GPR158: variants seen among roughly 807,000 people sequenced by gnomAD.
GPR158 encodes the protein metabotropic glycine receptor.
Under a neutral mutation model 78.2 loss-of-function variants are expected in GPR158, and 30 were observed. The observed-to-expected ratio is 0.38, with a 90% CI of 0.29 to 0.52. The LOEUF (loss-of-function observed/expected upper bound fraction) is 0.52, where lower values mean the gene tolerates loss of function less well. Among genes scored for constraint, GPR158 ranks in the 20% least tolerant of loss-of-function variants. GPR158 has a pLI of 0.83. For missense variants in GPR158, 1,463 were observed against 1,523.5 expected (o/e 0.96, Z 0.66); for synonymous variants, 581 against 591.1 (o/e 0.98, Z 0.25).
intron 1 of GPR158, among the ~76,000 whole-genome samples, chr10:25,179,121 A>G (rs1487215986): frequency 6.6e-6 from 1 of 152,236 alleles, no homozygotes; most frequent in African/African-American, 2.4e-5. Context: ...CTTTCTGTAT[A>G]TCTTCATACT....
chr10:25,445,784 A>T (rs1835132573), intron 4 of GPR158, among the ~76,000 whole-genome samples: 2 of 152,162 alleles, frequency 1.3e-5, no homozygotes, highest in South Asian at 4.1e-4. Flanking sequence ...AGACACAGAC[A>T]GACAGACTAG....
At chr10:25,193,668 C>G (rs1852805539) in intron 1 of GPR158, among the ~76,000 whole-genome samples, 1 of 152,108 alleles carries the variant, frequency 6.6e-6, no homozygotes, top group Non-Finnish European at 1.5e-5. Context: ...ATCTTTTCCC[C>G]CTTTGGGTGT....
chr10:25,429,379 A>G (rs1049959868), intron 4 of GPR158, among the ~76,000 whole-genome samples: 2 of 152,036 alleles, frequency 1.3e-5, no homozygotes, highest in African/African-American at 4.8e-5. Flanking sequence ...CACAACACAT[A>G]CCTCCATGTA....
intron 9 of GPR158, among the ~76,000 whole-genome samples, chr10:25,596,428 C>CTGCT (rs1460964549): frequency 1.3e-5 from 2 of 152,046 alleles, no homozygotes; most frequent in Non-Finnish European, 2.9e-5. Context: ...CTGTGAATAG[C>CTGCT]TGCTGCTCTC....
At chr10:25,544,837 T>C (rs1353280760) in intron 5 of GPR158, among the ~76,000 whole-genome samples, 1 of 152,200 alleles carries the variant, frequency 6.6e-6, no homozygotes, top group Non-Finnish European at 1.5e-5. Flanking sequence ...TATGTATTTC[T>C]CCTAATGCTA....
At chr10:25,296,252 G>T (rs975874481) in intron 2 of GPR158, among the ~76,000 whole-genome samples, 20 of 151,938 alleles carry the variant, frequency 1.3e-4, no homozygotes, top group Admixed American at 3.3e-4. Context: ...CAGTCTCCTG[G>T]GTGAGGCAAC....
At chr10:25,191,593 T>G (rs7086304) in intron 1 of GPR158, among the ~76,000 whole-genome samples, 10,491 of 152,220 alleles carry the variant, frequency 0.069, 598 homozygotes, top group East Asian at 0.28. Flanking sequence ...TTGATAAAAT[T>G]GAAACACATA....
At chr10:25,461,469 C>G (rs1166149899) in intron 4 of GPR158, among the ~76,000 whole-genome samples, 1 of 152,178 alleles carries the variant, frequency 6.6e-6, no homozygotes. Context: ...TAACTCTCTT[C>G]AATTCTGTGA....
intron 2 of GPR158, among the ~76,000 whole-genome samples, chr10:25,242,007 AAATG>A (rs1853634853): frequency 6.6e-6 from 1 of 152,246 alleles, no homozygotes; most frequent in Non-Finnish European, 1.5e-5. Context: ...CTAAGTGAGT[AAATG>A]AATGGCTTAA....
intron 2 of GPR158, among the ~76,000 whole-genome samples, chr10:25,353,289 T>G (rs1855500082): frequency 6.6e-6 from 1 of 152,046 alleles, no homozygotes; most frequent in Non-Finnish European, 1.5e-5. Flanking sequence ...CAATGATTAA[T>G]TATTTCCTAC....
chr10:25,576,879 T>G lies in GPR158; in HGVS notation c.1753+3992T>G, dbSNP rs550286250. On this transcript the variant is annotated intron_variant, in intron 7 of 10. Transcript: ENST00000376351. ...GAGGAAGTTAAATTTTTGATGGTGT[T>G]TTTGTCATCTCACAGTCATTGCTTT... Among the ~76,000 whole-genome samples the G allele has an allele frequency of 1.3e-4, 20 of 152,128 alleles. No homozygotes were observed. The South Asian group carries it at 3.9e-3, about 30-fold the overall frequency.
At chr10:25,390,042 C>G (rs938253700) in intron 2 of GPR158, among the ~76,000 whole-genome samples, 29 of 152,288 alleles carry the variant, frequency 1.9e-4, no homozygotes, top group Admixed American at 1.4e-3. Context: ...TTCGCATGCT[C>G]TCTTGTCTGC....
Position 25,598,019 on chromosome 10 carries a change from A to G in GPR158, c.2393A>G (p.Asn798Ser). 3 of 1,614,126 alleles carry G rather than the reference A, an allele frequency of 1.9e-6. No homozygotes were observed. The highest frequency in any genetic ancestry group is 2.5e-6 in the Non-Finnish European group (3 of 1,180,026). The change falls in exon 11 of 11, where the codon AAC (asparagine) becomes AGC (serine). Residue 798 changes from asparagine to serine, a missense_variant. Transcript: ENST00000376351. ...IRKNPPESSG[N>S]TGKSKEETLK... ...AAGAACCCCCCAGAGTCTTCAGGGA[A>G]CACAGGGAAATCCAAGGAGGAGACC... is the stretch of plus-strand genomic sequence containing the variant.
chr10:25,301,831 GA>G (rs1045818003), intron 2 of GPR158, among the ~76,000 whole-genome samples: 1 of 151,716 alleles, frequency 6.6e-6, no homozygotes, highest in Non-Finnish European at 1.5e-5. Flanking sequence ...TTGCCAATAA[GA>G]TGTGTGGGGT....
At chr10:25,399,081 G>C (rs1242330874) in intron 3 of GPR158, among the ~76,000 whole-genome samples, 1 of 152,188 alleles carries the variant, frequency 6.6e-6, no homozygotes, top group Non-Finnish European at 1.5e-5. Flanking sequence ...CACATGGCTA[G>C]AGAGGCTTCA....
chr10:25,493,542 G>A (rs915407208), intron 5 of GPR158, among the ~76,000 whole-genome samples: 2 of 152,134 alleles, frequency 1.3e-5, no homozygotes, highest in African/African-American at 4.8e-5. Flanking sequence ...AGAGCATCTG[G>A]AGACAGGTAC....
At position 25,220,981 on chromosome 10, in the gene GPR158, T is replaced by G. The variant is rs145060448; in HGVS notation, c.903-71T>G. 5 of 934,200 alleles carry G rather than the reference T, an allele frequency of 5.4e-6. No homozygotes were observed. In the East Asian group the frequency reaches 1.2e-4, roughly 23 times the overall value. 57.9% of individuals were successfully genotyped at this position (934,200 alleles called of 1,614,324 possible). On this transcript the variant is annotated intron_variant, in intron 1 of 10. Transcript: ENST00000376351. ...TGTTCTTTATGATAATTTTCTAATT[T>G]CAAGCTTAAAATACAGAGAAATCAT... is the stretch of plus-strand genomic sequence containing the variant.
chr10:25,200,905 G>C (rs562814686), intron 1 of GPR158, among the ~76,000 whole-genome samples: 23 of 112,018 alleles, frequency 2.1e-4, no homozygotes, highest in African/African-American at 7.1e-4. Flanking sequence ...ATGCTGTTTT[G>C]GTTACTGTAG....
At chr10:25,300,140 C>G (rs1388616612) in intron 2 of GPR158, among the ~76,000 whole-genome samples, 1 of 152,198 alleles carries the variant, frequency 6.6e-6, no homozygotes, top group Non-Finnish European at 1.5e-5. Flanking sequence ...TCTTACACTT[C>G]TGTAGATTAC....
Sources: allele counts gnomAD v4.1 joint callset (sites outside exome capture counted in the v4.1 genomes callset), GRCh38; gene constraint gnomAD v4.1.1; transcripts MANE v1.5; gene names NCBI Gene and HGNC (gene_info 2026-07-23, HGNC 2026-07-21).